Variants in SAMSN1 observed in about 807,000 individuals in gnomAD.
SAMSN1 encodes SAM domain-containing protein SAMSN-1.
In SAMSN1, 31 loss-of-function variants were observed where a neutral mutation model predicts 42.0. The ratio of observed to expected loss-of-function variants is 0.74; its 90% CI spans 0.55 to 1.00. The LOEUF is 1.00. Ranked by LOEUF, SAMSN1 falls within the 50% of genes least tolerant of loss-of-function variation. SAMSN1 has a pLI of 0.00. For synonymous variants in SAMSN1, 178 were observed against 151.9 expected (o/e 1.17, Z -1.26); for missense variants, 464 against 439.4 (o/e 1.06, Z -0.50).
chr21:14,498,517 T>C lies in SAMSN1; in HGVS notation c.844A>G (p.Ile282Val). ...DLKDIKESHL[I>V]ELNIENPDDR... ...TCTGGGTTTTCAATATTTAATTCAA[T>C]GAGGTGACTCTCTTTTATATCTTTT... Residue 282 changes from isoleucine (I) to valine (V), a missense_variant, in exon 7 of 8, where the codon ATT becomes GTT. By Grantham distance (29) the Ile-to-Val change is conservative (BLOSUM62 3). Transcript: ENST00000400566. 1.9e-6 allele frequency: 3 copies of C among 1,610,792 alleles called. No individual in the cohort carries two copies. The highest frequency in any genetic ancestry group is 2.5e-6 in the Non-Finnish European group (3 of 1,178,296).
chr21:14,524,963 T>C (rs1468823537), intron 1 of SAMSN1, among the ~76,000 whole-genome samples: 1 of 152,110 alleles, frequency 6.6e-6, no homozygotes, highest in Non-Finnish European at 1.5e-5. Flanking sequence ...TTCTGAAAAC[T>C]AACAAATAAA....
chr21:14,572,324 A>G (rs544512576), intron 2 of SAMSN1, among the ~76,000 whole-genome samples: 1 of 152,272 alleles, frequency 6.6e-6, no homozygotes, highest in Non-Finnish European at 1.5e-5. Flanking sequence ...TAAGAAACTG[A>G]AACTCTGAGA....
At chr21:14,526,090 ACT>A (rs1978837844) in intron 1 of SAMSN1, among the ~76,000 whole-genome samples, 2 of 151,214 alleles carry the variant, frequency 1.3e-5, no homozygotes, top group African/African-American at 4.9e-5. Context: ...CTGATGTTGA[ACT>A]CCTGACCTCA....
chr21:14,612,631 C>T (rs1335165972), intron 4 of SAMSN1: 2 of 564,604 alleles, frequency 3.5e-6, no homozygotes, highest in Non-Finnish European at 6.9e-6. Context: ...CAATGAACTA[C>T]CAAAGAGGAT....
intron 1 of SAMSN1, among the ~76,000 whole-genome samples, chr21:14,643,553 G>A (rs1157104223): frequency 6.6e-6 from 1 of 152,194 alleles, no homozygotes; most frequent in Admixed American, 6.5e-5. Flanking sequence ...AATACAGTCT[G>A]CTCTACTTAG....
At chr21:14,546,794 C>G (rs1291755153), upstream of SAMSN1, among the ~76,000 whole-genome samples, 1 of 152,024 alleles carries the variant, frequency 6.6e-6, no homozygotes, top group Non-Finnish European at 1.5e-5. Context: ...ACTGCAACCT[C>G]CACCTCCCGG....
At chr21:14,524,207 G>T (rs188022070) in intron 1 of SAMSN1, among the ~76,000 whole-genome samples, 5 of 152,212 alleles carry the variant, frequency 3.3e-5, no homozygotes, top group Admixed American at 6.5e-5. Context: ...TGATAACAAG[G>T]TGAATTATAT....
chr21:14,574,790 C>G (rs1981407538), intron 2 of SAMSN1, among the ~76,000 whole-genome samples: 1 of 151,934 alleles, frequency 6.6e-6, no homozygotes, highest in Non-Finnish European at 1.5e-5. Context: ...TTATGATTTA[C>G]TTCATATTCA....
At chr21:14,548,642 G>A (rs1202048076), upstream of SAMSN1, among the ~76,000 whole-genome samples, 1 of 152,028 alleles carries the variant, frequency 6.6e-6, no homozygotes, top group Non-Finnish European at 1.5e-5. Context: ...CAAGAAAAAT[G>A]TTTTCTGGGG....
At chr21:14,492,875 G>A (rs1019577855) in intron 7 of SAMSN1, among the ~76,000 whole-genome samples, 1 of 152,200 alleles carries the variant, frequency 6.6e-6, no homozygotes, top group African/African-American at 2.4e-5. Flanking sequence ...TCTACTTTGT[G>A]TGGACAGGTA....
Position 14,498,552 on chromosome 21 carries a change from A to G in SAMSN1, c.809T>C (p.Leu270Pro), listed in dbSNP as rs905386354. The G allele has an allele frequency of 6.2e-7, 1 of 1,609,428 alleles. No individual in the cohort carries two copies. Among genetic ancestry groups the G allele is most frequent in the African/African-American group, 1.3e-5 (1 of 74,610 alleles). Residue 270 changes from leucine (L) to proline (P), a missense_variant, in exon 7 of 8, where the codon CTA (leucine) becomes CCA (proline). Transcript: ENST00000400566. ...STLLLNGYET[L>P]EDLKDIKESH... ...CTCTTTTATATCTTTTAAATCTTCT[A>G]GAGTCTCATAACCATTGAGCAAAAG...
At chr21:14,627,693 T>G (rs549612603) in intron 2 of SAMSN1, among the ~76,000 whole-genome samples, 25 of 152,320 alleles carry the variant, frequency 1.6e-4, no homozygotes, top group Non-Finnish European at 3.2e-4. Flanking sequence ...ACAGCATGAA[T>G]GCTCAATAAA....
chr21:14,573,680 T>C (rs1033555464), intron 2 of SAMSN1, among the ~76,000 whole-genome samples: 7 of 152,210 alleles, frequency 4.6e-5, no homozygotes, highest in African/African-American at 1.4e-4. Context: ...TCTGCACATA[T>C]AATTTATCTT....
chr21:14,548,505 T>C (rs1409119660), upstream of SAMSN1, among the ~76,000 whole-genome samples: 2 of 152,180 alleles, frequency 1.3e-5, no homozygotes, highest in African/African-American at 4.8e-5. Flanking sequence ...AAAAAATATA[T>C]ATCCATTTAT....
intron 2 of SAMSN1, among the ~76,000 whole-genome samples, chr21:14,561,584 A>G (rs1272187346): frequency 1.3e-5 from 2 of 152,188 alleles, no homozygotes; most frequent in East Asian, 1.9e-4. Flanking sequence ...AAGCATTTGG[A>G]TGGCATGTGT....
At chr21:14,571,423 A>G (rs371718341) in intron 2 of SAMSN1, among the ~76,000 whole-genome samples, 1 of 152,146 alleles carries the variant, frequency 6.6e-6, no homozygotes, top group South Asian at 2.1e-4. Flanking sequence ...ATTATTCATC[A>G]CTATGGTTGT....
At chr21:14,655,819 T>C (rs1036243891) in intron 1 of SAMSN1, among the ~76,000 whole-genome samples, 1 of 151,828 alleles carries the variant, frequency 6.6e-6, no homozygotes, top group Non-Finnish European at 1.5e-5. Flanking sequence ...AGGAAAGGAA[T>C]ACTTTATAGA....
At chr21:14,578,470 G>GTCAGGAGT (rs2123235769) in intron 2 of SAMSN1, among the ~76,000 whole-genome samples, 1 of 151,954 alleles carries the variant, frequency 6.6e-6, no homozygotes, top group East Asian at 1.9e-4. Context: ...AGATCACAAG[G>GTCAGGAGT]TCAGGAGTTC....
intron 2 of SAMSN1, among the ~76,000 whole-genome samples, chr21:14,563,833 C>A (rs759720271): frequency 6.6e-6 from 1 of 152,250 alleles, no homozygotes; most frequent in African/African-American, 2.4e-5. Context: ...GTGAATGCCC[C>A]GTGTCAGCAA....
Sources: allele counts gnomAD v4.1 joint callset (sites outside exome capture counted in the v4.1 genomes callset), GRCh38; gene constraint gnomAD v4.1.1; transcripts MANE v1.5; gene names NCBI Gene and HGNC (gene_info 2026-07-23, HGNC 2026-07-21).